Variants in B4GALT2 observed in about 807,000 individuals in gnomAD.
B4GALT2 encodes the protein beta-1,4-galactosyltransferase 2.
Under a neutral mutation model 33.2 loss-of-function variants are expected in B4GALT2, and 18 were observed. The ratio of observed to expected loss-of-function variants is 0.54; its 90% CI spans 0.38 to 0.80. The LOEUF is 0.80. Ranked by LOEUF, B4GALT2 falls within the 30% of genes least tolerant of loss-of-function variation. The pLI is 0.00. For missense variants in B4GALT2, 404 were observed against 526.2 expected, an observed-to-expected ratio of 0.77 and a Z score of 2.27; for synonymous variants, 214 against 217.6, an observed-to-expected ratio of 0.98 and a Z score of 0.15.
In B4GALT2 at chr1:43,981,441, T is replaced by C. The variant is rs375270042; in HGVS notation, c.281T>C (p.Leu94Pro). Residue 94 changes from leucine to proline, a missense_variant, in exon 2 of 7, where the codon CTG (leucine) becomes CCG (proline). Coordinates refer to ENST00000372324, the MANE Select transcript of B4GALT2 (RefSeq NM_003780.5). The surrounding 1 kb of genome is among the most constrained non-coding windows in gnomAD (Gnocchi z 8.1). ...CTGCCCGGTCCCACGGCTCCCACGC[T>C]GCCACCCTGTCCTGACTCGCCACCT... ...SALPGPTAPTLPPCPDSPPGL... is the reference protein window; with the variant it reads ...SALPGPTAPTPPPCPDSPPGL... 17 of 1,591,764 alleles carry C rather than the reference T, an allele frequency of 1.1e-5. No homozygotes were observed. In the African/African-American group the frequency reaches 2.0e-4, roughly 19 times the overall value.
In B4GALT2 at chr1:43,981,560, C is replaced by G; in HGVS notation, c.313+87C>G. On this transcript the variant is annotated intron_variant, in intron 2 of 6. Coordinates refer to ENST00000372324, the MANE Select transcript of B4GALT2 (RefSeq NM_003780.5). This position sits in a 1 kb window ranked among gnomAD's most constrained non-coding sequence, Gnocchi z 8.1. ...AATGGCATCTGGACCCAGGGGTGTG[C>G]CAGGGGTCCAGGTCTGTTGTAAGAG... 1 of 1,520,120 alleles carries G rather than the reference C, an allele frequency of 6.6e-7. No individual in the cohort carries two copies. Among genetic ancestry groups the G allele is most frequent in the Non-Finnish European group, 8.8e-7 (1 of 1,133,082 alleles). The allele number at this position is 1,520,120 out of a possible 1,614,324, so 94.2% of individuals were successfully genotyped here. A position where few individuals can be genotyped will look rare whatever the true frequency, so the allele number is the denominator to read the frequency against.
intron 6 of B4GALT2, among the ~76,000 whole-genome samples, chr1:43,989,340 T>C (rs918176664): frequency 3.0e-5 from 2 of 67,366 alleles, no homozygotes. Context: ...AAAAAAAAAA[T>C]CACTAGATCA....
At position 43,990,659 on chromosome 1, in the gene B4GALT2, T is replaced by C; in HGVS notation, c.*211T>C. 1.5e-6 allele frequency: 1 copy of C among 654,216 alleles called. No individual in the cohort carries two copies. The highest frequency in any genetic ancestry group is 2.6e-6 in the Non-Finnish European group (1 of 391,816). The allele number at this position is 654,216 out of a possible 1,614,324, so 40.5% of individuals were successfully genotyped here. On this transcript the variant is annotated 3_prime_UTR_variant, in exon 7 of 7. Transcript: ENST00000372324. ...GGCAGGCTCTTCAAGTGTGGCCCTCTTTGGAGTCAACCCTCCTTCCCGACC... is the reference window on the plus strand; with the variant it reads ...GGCAGGCTCTTCAAGTGTGGCCCTCCTTGGAGTCAACCCTCCTTCCCGACC...
intron 1 of B4GALT2, chr1:43,980,093 A>C: frequency 6.9e-7 from 1 of 1,444,618 alleles, no homozygotes; most frequent in Admixed American, 2.3e-5. Context: ...TGTGTCTGTG[A>C]CTGTAGTTCT....
At chr1:43,983,896 C>T (rs2085627959) in intron 3 of B4GALT2, among the ~76,000 whole-genome samples, 1 of 152,148 alleles carries the variant, frequency 6.6e-6, no homozygotes. Flanking sequence ...GAGCAGCTCC[C>T]ACCTCTTCTG....
chr1:43,985,503 G>A lies in B4GALT2; in HGVS notation c.864-14G>A, dbSNP rs187461856. 2.2e-4 allele frequency: 356 copies of A among 1,609,530 alleles called. 4 individuals carry two copies. In the African/African-American group the frequency reaches 4.1e-3, roughly 19 times the overall value. ...TCCTGGAGCCTGTTCCAGTCTGTCC[G>A]TCCCCATCCTCAGGATCTCCCTGAC... On this transcript the variant is annotated splice_polypyrimidine_tract_variant and intron_variant, in intron 5 of 6. Transcript: ENST00000372324.
intron 6 of B4GALT2, among the ~76,000 whole-genome samples, chr1:43,990,038 C>G (rs1306247149): frequency 6.6e-6 from 1 of 152,172 alleles, no homozygotes; most frequent in Admixed American, 6.5e-5. Flanking sequence ...CTTATTGACA[C>G]AAACAATGCA....
intron 1 of B4GALT2, chr1:43,980,108 G>T: frequency 7.1e-7 from 1 of 1,414,772 alleles, no homozygotes; most frequent in Admixed American, 2.5e-5. Flanking sequence ...AGTTCTCTGT[G>T]TGTCTGAGTG....
chr1:43,981,020 G>A lies in B4GALT2; in HGVS notation c.-52-89G>A, dbSNP rs1036041258. 4.9e-6 allele frequency: 7 copies of A among 1,425,824 alleles called. No individual in the cohort carries two copies. Among genetic ancestry groups the A allele is most frequent in the African/African-American group, 4.3e-5 (3 of 69,996 alleles). The allele number at this position is 1,425,824 out of a possible 1,614,324, so 88.3% of individuals were successfully genotyped here. On this transcript the variant is annotated intron_variant, in intron 1 of 6. Transcript: ENST00000372324. The surrounding 1 kb of genome is among the most constrained non-coding windows in gnomAD (Gnocchi z 8.1). ...CAGGTCAGTGTGAGGTGTGGCCCAC[G>A]AGTGTGAGCAGCTGAGTGGGAGGTA...
chr1:43,987,925 C>T (rs2154303399), intron 6 of B4GALT2, among the ~76,000 whole-genome samples: 1 of 152,318 alleles, frequency 6.6e-6, no homozygotes, highest in South Asian at 2.1e-4. Context: ...CTGCCCTTAG[C>T]TCAGTGTCAC....
chr1:43,984,750 G>A lies in B4GALT2; in HGVS notation c.550-115G>A. ...CTGGACTAGATCCTGAGAGCCTGGA[G>A]GAGCCATGCAGCGAGGGGGCTGGTA... On this transcript the variant is annotated intron_variant, in intron 3 of 6. Transcript: ENST00000372324. This position sits in a 1 kb window ranked among gnomAD's most constrained non-coding sequence, Gnocchi z 5.6. The A allele has an allele frequency of 3.7e-6, 4 of 1,088,816 alleles. No individual in the cohort carries two copies. The highest frequency in any genetic ancestry group is 1.6e-5 in the African/African-American group (1 of 63,420). 67.4% of individuals were successfully genotyped at this position (1,088,816 alleles called of 1,614,324 possible).
At position 43,981,966 on chromosome 1, in the gene B4GALT2, TG is replaced by T. The variant is rs1364482171; in HGVS notation, c.549+45del. On this transcript the variant is annotated intron_variant, in intron 3 of 6. Coordinates refer to ENST00000372324, the MANE Select transcript of B4GALT2 (RefSeq NM_003780.5). The surrounding 1 kb of genome is among the most constrained non-coding windows in gnomAD (Gnocchi z 8.1). ...CCATGTGCCTGTTGGTGTATATATG[TG>T]GGTTGGGGGCGTTTGTGGGTCCTTG... is the stretch of plus-strand genomic sequence containing the variant. 1 of 1,594,872 alleles carries T rather than the reference TG, an allele frequency of 6.3e-7. No homozygotes were observed. The highest frequency in any genetic ancestry group is 8.6e-7 in the Non-Finnish European group (1 of 1,165,568).
chr1:43,983,380 A>T (rs2085622075), intron 3 of B4GALT2, among the ~76,000 whole-genome samples: 1 of 152,104 alleles, frequency 6.6e-6, no homozygotes. Flanking sequence ...GCTGGAGGAG[A>T]CCCAGGGGAG....
At chr1:43,985,097 C>G (rs768266990) in intron 4 of B4GALT2, 42 bp downstream of exon 4, 2 of 1,602,674 alleles carry the variant, frequency 1.2e-6, no homozygotes, top group African/African-American at 1.3e-5. Flanking sequence ...CTCCTGCCCC[C>G]ACCAGACGCA....
In B4GALT2 at chr1:43,984,909, C is replaced by T; in HGVS notation, c.594C>T (p.Gly198=). Residue 198 remains glycine (G), a synonymous_variant, in exon 4 of 7, where the codon GGC becomes GGT. Transcript: ENST00000372324. The surrounding 1 kb of genome is among the most constrained non-coding windows in gnomAD (Gnocchi z 5.6). The part of the protein sequence containing the change: ...TFNRAKLLNV[G]FLEALKEDAA... Reference sequence around the variant, plus strand: ...ACCGGGCCAAGCTGCTTAACGTGGGCTTCCTAGAGGCGCTGAAGGAGGATG... The same window carrying T: ...ACCGGGCCAAGCTGCTTAACGTGGGTTTCCTAGAGGCGCTGAAGGAGGATG... 2 of 1,614,078 alleles carry T rather than the reference C, an allele frequency of 1.2e-6. No individual in the cohort carries two copies. Among genetic ancestry groups the T allele is most frequent in the Non-Finnish European group, 1.7e-6 (2 of 1,179,994 alleles).
Position 43,981,705 on chromosome 1 carries a change from C to G in B4GALT2, c.330C>G (p.Ile110Met). Residue 110 changes from isoleucine (I) to methionine (M), a missense_variant, in exon 3 of 7, where the codon ATC becomes ATG. Ile to Met is a conservative substitution (Grantham distance 10). Coordinates refer to ENST00000372324, the MANE Select transcript of B4GALT2 (RefSeq NM_003780.5). The surrounding 1 kb of genome is among the most constrained non-coding windows in gnomAD (Gnocchi z 8.1). The stretch of plus-strand genomic sequence containing the variant: ...TGTCTGCAGTGGGCAGACTGCTGAT[C>G]GAGTTCACCTCACCCATGCCCCTGG... Reference protein sequence around the residue: ...SPPGLVGRLLIEFTSPMPLER... With the variant: ...SPPGLVGRLLMEFTSPMPLER... 6.2e-7 allele frequency: 1 copy of G among 1,610,520 alleles called. No homozygotes were observed. Among genetic ancestry groups the G allele is most frequent in the Non-Finnish European group, 8.5e-7 (1 of 1,178,240 alleles).
Position 43,981,847 on chromosome 1 carries a change from C to G in B4GALT2, c.472C>G (p.Leu158Val). Reference sequence around the variant, plus strand: ...CCCCTTTAGACACCGGGAACACCACCTGCGCTACTGGCTCCACTATCTACA... The same window carrying G: ...CCCCTTTAGACACCGGGAACACCACGTGCGCTACTGGCTCCACTATCTACA... ...IIPFRHREHH[L>V]RYWLHYLHPI... The change falls in exon 3 of 7, where the codon CTG becomes GTG. Residue 158 changes from leucine (L) to valine (V), a missense_variant. Transcript: ENST00000372324. This position sits in a 1 kb window ranked among gnomAD's most constrained non-coding sequence, Gnocchi z 8.1. 6.2e-7 allele frequency: 1 copy of G among 1,612,768 alleles called. No homozygotes were observed. The highest frequency in any genetic ancestry group is 8.5e-7 in the Non-Finnish European group (1 of 1,179,610).
Position 43,982,096 on chromosome 1 carries a change from G to A in B4GALT2, c.549+172G>A, listed in dbSNP as rs965654791. The stretch of plus-strand genomic sequence containing the variant: ...AGTGTGTGCATGTGAATGTTGGCAT[G>A]CACACTGGCAGGTGTGTGCATGGTC... On this transcript the variant is annotated intron_variant, in intron 3 of 6. Coordinates refer to ENST00000372324, the MANE Select transcript of B4GALT2 (RefSeq NM_003780.5). The surrounding 1 kb of genome is among the most constrained non-coding windows in gnomAD (Gnocchi z 4.3). Among the ~76,000 whole-genome samples, 1 of 152,212 alleles carries A rather than the reference G, an allele frequency of 6.6e-6. No individual in the cohort carries two copies. The highest frequency in any genetic ancestry group is 2.4e-5 in the African/African-American group (1 of 41,450).
intron 4 of B4GALT2, 107 bp downstream of exon 4, chr1:43,985,162 C>G: frequency 6.4e-7 from 1 of 1,562,956 alleles, no homozygotes; most frequent in Non-Finnish European, 8.7e-7. Context: ...CCAGACCCCA[C>G]TGGCGAGGCT....
Sources: allele counts gnomAD v4.1 joint callset (sites outside exome capture counted in the v4.1 genomes callset), GRCh38; gene constraint gnomAD v4.1.1; non-coding constraint Gnocchi (gnomAD v3.1); transcripts MANE v1.5; gene names NCBI Gene and HGNC (gene_info 2026-07-23, HGNC 2026-07-21).